Variants in SAMD5 observed in about 807,000 individuals in gnomAD.
The protein encoded by SAMD5 is sterile alpha motif domain containing 5.
In SAMD5, 13 loss-of-function variants were observed where a neutral mutation model predicts 11.3. The observed-to-expected ratio is 1.15, with a 90% confidence interval of 0.75 to 1.83. The LOEUF (loss-of-function observed/expected upper bound fraction) is 1.83, where lower values mean the gene tolerates loss of function less well. Ranked by LOEUF, SAMD5 falls within the 40% of genes most tolerant of loss-of-function variation. The probability of loss-of-function intolerance (pLI) is 0.00; values close to 1 mark genes in which losing one functional copy is unlikely to be tolerated. For missense variants in SAMD5, 255 were observed against 239.1 expected, an observed-to-expected ratio of 1.07 and a Z score of -0.44; for synonymous variants, 129 against 111.3, an observed-to-expected ratio of 1.16 and a Z score of -1.00.
the SAMD5 span, among the ~76,000 whole-genome samples, chr6:147,752,836 G>C: frequency 6.6e-6 from 1 of 152,176 alleles, no homozygotes. Context: ...CTGCACTTAA[G>C]CATTTCCGAA....
At chr6:147,527,352 G>C (rs1788358414) in intron 1 of SAMD5, among the ~76,000 whole-genome samples, 2 of 152,122 alleles carry the variant, frequency 1.3e-5, no homozygotes, top group Admixed American at 1.3e-4. Flanking sequence ...AATATGGCCA[G>C]AGCAGGAGGA....
the SAMD5 span, among the ~76,000 whole-genome samples, chr6:147,797,186 A>G: frequency 1.4e-3 from 170 of 123,422 alleles, no homozygotes; most frequent in Middle Eastern, 7.4e-3. Flanking sequence ...CCCATTCAGT[A>G]TGATATTGGC....
At chr6:147,889,202 C>A in the SAMD5 span, among the ~76,000 whole-genome samples, 1 of 152,162 alleles carries the variant, frequency 6.6e-6, no homozygotes, top group African/African-American at 2.4e-5. Context: ...TCTTTTTGAA[C>A]AGTTTCTGTT....
At chr6:147,619,340 G>A (rs1011980415) in intron 1 of SAMD5, among the ~76,000 whole-genome samples, 7 of 152,108 alleles carry the variant, frequency 4.6e-5, no homozygotes, top group Non-Finnish European at 8.8e-5. Flanking sequence ...AATGCATTGG[G>A]TTATTTACTT....
chr6:147,573,583 T>C (rs543225453), downstream of SAMD5, among the ~76,000 whole-genome samples: 1 of 152,324 alleles, frequency 6.6e-6, no homozygotes, highest in African/African-American at 2.4e-5. Context: ...CATGTGACCT[T>C]ACATAAGTTA....
intron 1 of SAMD5, among the ~76,000 whole-genome samples, chr6:147,670,094 C>A (rs1037015104): frequency 6.6e-6 from 1 of 152,228 alleles, no homozygotes; most frequent in Non-Finnish European, 1.5e-5. Flanking sequence ...AAACAGCATT[C>A]ATCTCTTTGT....
chr6:147,942,337 G>T, the SAMD5 span, among the ~76,000 whole-genome samples: 2 of 152,120 alleles, frequency 1.3e-5, no homozygotes, highest in Admixed American at 1.3e-4. Context: ...CATTTCCTGG[G>T]TCTCAGCTTA....
chr6:147,685,669 T>C (rs1363171261), intron 1 of SAMD5, among the ~76,000 whole-genome samples: 2 of 152,238 alleles, frequency 1.3e-5, no homozygotes, highest in Non-Finnish European at 2.9e-5. Context: ...ATTTTATTTA[T>C]GTTAAATTTT....
downstream of SAMD5, chr6:147,741,811 CCTT>C (rs1791883429): frequency 6.6e-6 from 1 of 152,170 alleles, no homozygotes; most frequent in African/African-American, 2.4e-5. Flanking sequence ...ATGGGGCCCT[CCTT>C]CTCTGCTCTT....
intron 1 of SAMD5, among the ~76,000 whole-genome samples, chr6:147,721,334 A>G (rs1448824855): frequency 2.6e-5 from 4 of 151,348 alleles, no homozygotes; most frequent in African/African-American, 9.7e-5. Context: ...AAGCATTCCT[A>G]TTTCTCCACA....
chr6:147,872,405 G>A, the SAMD5 span, among the ~76,000 whole-genome samples: 1 of 152,144 alleles, frequency 6.6e-6, no homozygotes, highest in Non-Finnish European at 1.5e-5. Context: ...GGTCTATTAT[G>A]TAATCATTCT....
At chr6:147,719,302 T>C (rs1791513901) in intron 1 of SAMD5, among the ~76,000 whole-genome samples, 1 of 152,120 alleles carries the variant, frequency 6.6e-6, no homozygotes, top group Admixed American at 6.5e-5. Flanking sequence ...CTTGCTACTG[T>C]TTTAACTGGG....
chr6:147,672,332 A>G (rs77753002), intron 1 of SAMD5, among the ~76,000 whole-genome samples: 2,832 of 152,202 alleles, frequency 0.019, 81 homozygotes, highest in African/African-American at 0.065. Context: ...TGGATTGAGA[A>G]ATTCTTTAAT....
the SAMD5 span, among the ~76,000 whole-genome samples, chr6:147,920,975 C>A: frequency 6.6e-6 from 1 of 152,160 alleles, no homozygotes; most frequent in Non-Finnish European, 1.5e-5. Context: ...GAGGAAAACA[C>A]AAAACATTCT....
At position 147,727,282 on chromosome 6, in the gene SAMD5, G is replaced by A. The variant is rs1791642488; in HGVS notation, c.163-10035G>A. On this transcript the variant is annotated intron_variant, in intron 1 of 1. Coordinates refer to the SAMD5 transcript ENST00000566741. ...CCCAATTTGCTTGACAAACTCCTAT[G>A]CATTCCTCAAAGCCAGGAGCAGCAA... Among the ~76,000 whole-genome samples the A allele has an allele frequency of 3.9e-5, 6 of 152,144 alleles. No individual in the cohort carries two copies. The South Asian group carries it at 1.2e-3, about 31-fold the overall frequency.
chr6:147,846,085 A>G, the SAMD5 span, among the ~76,000 whole-genome samples: 2 of 152,006 alleles, frequency 1.3e-5, no homozygotes, highest in Non-Finnish European at 2.9e-5. Flanking sequence ...ACCTGGATGA[A>G]CCTAAAAGGA....
At chr6:147,948,094 G>A in the SAMD5 span, among the ~76,000 whole-genome samples, 1 of 151,934 alleles carries the variant, frequency 6.6e-6, no homozygotes, top group Admixed American at 6.6e-5. Context: ...TTTTTATTAA[G>A]CTACTGAAAC....
chr6:147,561,817 C>T (rs1788955192), intron 1 of SAMD5, among the ~76,000 whole-genome samples: 1 of 152,140 alleles, frequency 6.6e-6, no homozygotes, highest in African/African-American at 2.4e-5. Flanking sequence ...TGGAGTGCCA[C>T]AATGTGATCA....
At chr6:147,810,701 C>A in the SAMD5 span, among the ~76,000 whole-genome samples, 3 of 152,166 alleles carry the variant, frequency 2.0e-5, no homozygotes. Context: ...GCGCTGGCAA[C>A]AGGGCCAGGC....
Sources: allele counts gnomAD v4.1 joint callset (sites outside exome capture counted in the v4.1 genomes callset), GRCh38; gene constraint gnomAD v4.1.1; transcripts MANE v1.5; gene names NCBI Gene and HGNC (gene_info 2026-07-23, HGNC 2026-07-21).